MTA1: variants seen among roughly 807,000 people sequenced by gnomAD.
The protein encoded by MTA1 is metastasis-associated protein MTA1.
A neutral mutation model predicts 97.0 loss-of-function variants in MTA1; 15 were observed. The ratio of observed to expected loss-of-function variants is 0.15; its 90% CI spans 0.10 to 0.24. The LOEUF is 0.24. MTA1 is among the 10% of genes least tolerant of loss of function. The probability of loss-of-function intolerance (pLI) is 1.00; values close to 1 mark genes in which losing one functional copy is unlikely to be tolerated. For missense variants in MTA1, 709 were observed against 1,015.1 expected, an observed-to-expected ratio of 0.70 and a Z score of 4.10; for synonymous variants, 435 against 417.5, an observed-to-expected ratio of 1.04 and a Z score of -0.51.
Position 105,420,273 on chromosome 14 carries a change from C to T in MTA1, c.28+210C>T, listed in dbSNP as rs1422577043. Among the ~76,000 whole-genome samples, 5 of 148,572 alleles carry T rather than the reference C, an allele frequency of 3.4e-5. No individual in the cohort carries two copies. The highest frequency in any genetic ancestry group is 2.0e-4 in the East Asian group (1 of 5,024). The stretch of plus-strand genomic sequence containing the variant: ...GGCCCCATCGGGGGCGGGCGGGGCT[C>T]GGCGGCCCGGGGGTGGGGGGCGGCC... On this transcript the variant is annotated intron_variant, in intron 1 of 20. Transcript: ENST00000331320. The surrounding 1 kb of genome is among the most constrained non-coding windows in gnomAD (Gnocchi z 5.3).
intron 9 of MTA1, 97 bp downstream of exon 9, chr14:105,460,554 G>C: frequency 1.5e-6 from 2 of 1,312,326 alleles, no homozygotes; most frequent in Non-Finnish European, 2.1e-6. Flanking sequence ...ACCTGCCCCA[G>C]GTATTCAGGA....
At chr14:105,437,236 CG>C (rs2082352892) in intron 1 of MTA1, among the ~76,000 whole-genome samples, 1 of 107,176 alleles carries the variant, frequency 9.3e-6, no homozygotes, top group South Asian at 3.2e-4. Flanking sequence ...TCCTCACGGG[CG>C]TGTGCCTGCA....
chr14:105,445,657 C>A, intron 3 of MTA1, 146 bp downstream of exon 3: 1 of 859,212 alleles, frequency 1.2e-6, no homozygotes, highest in Non-Finnish European at 1.9e-6. Flanking sequence ...TCTTTTTCTC[C>A]CTTCCACAGT....
intron 2 of MTA1, among the ~76,000 whole-genome samples, chr14:105,444,087 A>G (rs1461193022): frequency 1.0e-4 from 13 of 129,086 alleles, no homozygotes; most frequent in African/African-American, 3.3e-4. Flanking sequence ...GACTCCATCT[A>G]AAAAGGCCGG....
intron 8 of MTA1, among the ~76,000 whole-genome samples, chr14:105,459,784 CGT>C (rs2083282013): frequency 1.2e-3 from 1 of 832 alleles, no homozygotes. Flanking sequence ...GGGGGGAGTC[CGT>C]GCTGCCCGTG....
At chr14:105,458,222 G>A (rs370128175) in intron 7 of MTA1, 48 bp from the exon 8 acceptor site, 2 of 1,541,684 alleles carry the variant, frequency 1.3e-6, no homozygotes, top group Non-Finnish European at 1.8e-6. Flanking sequence ...GCGCGGCCCG[G>A]CGCGCCGTGG....
intron 18 of MTA1, chr14:105,466,960 C>T (rs371396080): frequency 1.0e-5 from 6 of 587,026 alleles, no homozygotes; most frequent in Non-Finnish European, 1.8e-5. Context: ...CCCCTGGCCC[C>T]GCCTCCTGTC....
chr14:105,441,733 G>A (rs111900359), intron 2 of MTA1, among the ~76,000 whole-genome samples: 17 of 152,312 alleles, frequency 1.1e-4, no homozygotes, highest in Admixed American at 2.6e-4. Flanking sequence ...GGTGGAGCTT[G>A]CAGTGAGCCG....
rs2083404026 is a variant in MTA1 at position 105,462,701 on chromosome 14, T to G, written c.943-483T>G. Among the ~76,000 whole-genome samples the G allele has an allele frequency of 2.0e-5, 3 of 152,102 alleles. No individual in the cohort carries two copies. The South Asian group carries it at 6.2e-4, about 32-fold the overall frequency. On this transcript the variant is annotated intron_variant, in intron 10 of 20. Coordinates refer to ENST00000331320, the MANE Select transcript of MTA1 (RefSeq NM_004689.4). Reference sequence around the variant, plus strand: ...CTGGCCAACATGGTGAAACCACGTCTGTACTAAAAATACAAAAATTAGCCG... The same window carrying G: ...CTGGCCAACATGGTGAAACCACGTCGGTACTAAAAATACAAAAATTAGCCG...
Position 105,466,418 on chromosome 14 carries a change from C to A in MTA1, c.1625-8C>A. ...GGCAACTCGTTCTGCCTGTGTCATT[C>A]CCGGCAGAGACCCACCCCCGCCCCC... is the stretch of plus-strand genomic sequence containing the variant. On this transcript the variant is annotated splice_polypyrimidine_tract_variant and splice_region_variant and intron_variant, in intron 16 of 20. Coordinates refer to ENST00000331320, the MANE Select transcript of MTA1 (RefSeq NM_004689.4). 6.3e-7 allele frequency: 1 copy of A among 1,599,004 alleles called. No individual in the cohort carries two copies. The highest frequency in any genetic ancestry group is 8.5e-7 in the Non-Finnish European group (1 of 1,171,304).
At position 105,463,331 on chromosome 14, in the gene MTA1, TGGGCGTGCACTGCTGCAGCAGGA is replaced by T; in HGVS notation, c.1017+77_1017+99del. The T allele has an allele frequency of 6.4e-7, 1 of 1,556,978 alleles. No individual in the cohort carries two copies. The highest frequency in any genetic ancestry group is 8.8e-7 in the Non-Finnish European group (1 of 1,131,812). The stretch of plus-strand genomic sequence containing the variant: ...CTGCGCCCCATCCTCTCCCAGCAGG[TGGGCGTGCACTGCTGCAGCAGGA>T]GGGGAAGGAAGACTCCTGAGTCCCT... On this transcript the variant is annotated intron_variant, in intron 11 of 20. Coordinates refer to ENST00000331320, the MANE Select transcript of MTA1 (RefSeq NM_004689.4). This position sits in a 1 kb window ranked among gnomAD's most constrained non-coding sequence, Gnocchi z 5.9.
At chr14:105,447,112 G>C (rs2141552301) in intron 3 of MTA1, among the ~76,000 whole-genome samples, 1 of 152,348 alleles carries the variant, frequency 6.6e-6, no homozygotes, top group African/African-American at 2.4e-5. Context: ...ACGGCTGGCG[G>C]TTCTTAGTGT....
chr14:105,453,895 C>G (rs1319543166), intron 6 of MTA1, among the ~76,000 whole-genome samples: 2 of 152,232 alleles, frequency 1.3e-5, no homozygotes, highest in Non-Finnish European at 2.9e-5. Flanking sequence ...TGGAGCCTGG[C>G]CCCACCCCTG....
At chr14:105,452,259 G>A (rs1338219476) in intron 6 of MTA1, among the ~76,000 whole-genome samples, 1 of 152,222 alleles carries the variant, frequency 6.6e-6, no homozygotes, top group Admixed American at 6.5e-5. Flanking sequence ...ATGAAGTCCT[G>A]ATAAACACAG....
intron 3 of MTA1, among the ~76,000 whole-genome samples, chr14:105,446,853 A>G (rs1158286765): frequency 2.6e-5 from 4 of 152,108 alleles, no homozygotes; most frequent in African/African-American, 9.7e-5. Context: ...CCAGTTGACC[A>G]TGGGCTTTCT....
intron 16 of MTA1, 40 bp downstream of exon 16, chr14:105,465,223 T>C (rs587684517): frequency 1.4e-6 from 2 of 1,467,494 alleles, no homozygotes; most frequent in African/African-American, 1.4e-5. Flanking sequence ...CAATGCTGCC[T>C]GCAGGCAGCT....
At chr14:105,432,918 AT>A (rs2082219683) in intron 1 of MTA1, among the ~76,000 whole-genome samples, 1 of 152,252 alleles carries the variant, frequency 6.6e-6, no homozygotes, top group African/African-American at 2.4e-5. Context: ...AAACGTCGAC[AT>A]TTCAAAATCC....
intron 7 of MTA1, among the ~76,000 whole-genome samples, chr14:105,455,504 C>T (rs1181469316): frequency 6.6e-6 from 1 of 152,230 alleles, no homozygotes; most frequent in African/African-American, 2.4e-5. Flanking sequence ...GGCGGGGACT[C>T]GCCTCCCTGC....
chr14:105,469,432 T>G, intron 18 of MTA1, 35 bp from the exon 19 acceptor site: 1 of 1,611,948 alleles, frequency 6.2e-7, no homozygotes, highest in South Asian at 1.1e-5. Context: ...ACGCGCTCTC[T>G]CGGGGCCTCA....
Sources: gnomAD v4.1 joint callset for allele counts (sites outside exome capture counted in the v4.1 genomes callset) on GRCh38, gnomAD v4.1.1 for gene constraint, Gnocchi (gnomAD v3.1) non-coding constraint, MANE v1.5 for transcripts, NCBI Gene and HGNC (gene_info 2026-07-23, HGNC 2026-07-21) for gene names.